The following PARVB variants were observed in gnomAD, a reference collection of about 807,000 sequenced individuals.
PARVB encodes parvin beta, also known as beta-parvin.
A neutral mutation model predicts 47.0 loss-of-function variants in PARVB; 46 were observed. That is an observed-to-expected ratio of 0.98 (90% CI 0.77 to 1.25). The LOEUF (loss-of-function observed/expected upper bound fraction) is 1.25, where lower values mean the gene tolerates loss of function less well. PARVB is among the 50% of genes most tolerant of loss of function. The probability of loss-of-function intolerance (pLI) is 0.00; values close to 1 mark genes in which losing one functional copy is unlikely to be tolerated. For synonymous variants in PARVB, 196 were observed against 196.3 expected (o/e 1.00, Z 0.01); for missense variants, 473 against 471.6 (o/e 1.00, Z -0.03).
At chr22:44,043,485 T>G (rs2051057432) in intron 1 of PARVB, among the ~76,000 whole-genome samples, 1 of 152,072 alleles carries the variant, frequency 6.6e-6, no homozygotes, top group Non-Finnish European at 1.5e-5. Flanking sequence ...ATCACGCCAT[T>G]CTCCTCCTTG....
chr22:44,101,074 A>C (rs2052432473), intron 3 of PARVB, among the ~76,000 whole-genome samples: 1 of 152,242 alleles, frequency 6.6e-6, no homozygotes, highest in Non-Finnish European at 1.5e-5. Context: ...ATGAGGGCTC[A>C]TTCAGAATAA....
intron 2 of PARVB, among the ~76,000 whole-genome samples, chr22:44,097,931 C>T (rs2052347737): frequency 6.6e-6 from 1 of 152,172 alleles, no homozygotes; most frequent in Non-Finnish European, 1.5e-5. Flanking sequence ...GGCAGGACCC[C>T]TCAAGAAGCA....
At chr22:44,133,598 G>A (rs546108261) in intron 6 of PARVB, among the ~76,000 whole-genome samples, 3 of 152,258 alleles carry the variant, frequency 2.0e-5, no homozygotes, top group Non-Finnish European at 4.4e-5. Context: ...GAGTACCATG[G>A]TGCAGTCATG....
At position 44,158,321 on chromosome 22, in the gene PARVB, A is replaced by T. The variant is rs369603729; in HGVS notation, c.945+238A>T. On this transcript the variant is annotated intron_variant, in intron 11 of 12. Coordinates refer to ENST00000338758, the MANE Select transcript of PARVB (RefSeq NM_013327.5). Reference sequence around the variant, plus strand: ...TTTTCTTTGCGGTCTTTTCCATGGGACCGTGTAGTTTTTAATAATTGTGAT... The same window carrying T: ...TTTTCTTTGCGGTCTTTTCCATGGGTCCGTGTAGTTTTTAATAATTGTGAT... Among the ~76,000 whole-genome samples the T allele has an allele frequency of 1.1e-4, 17 of 152,220 alleles. 1 individual carries two copies. The highest frequency in any genetic ancestry group is 7.2e-4 in the Admixed American group (11 of 15,292).
chr22:44,171,881 T>C lies in PARVB; in HGVS notation c.*3203T>C, dbSNP rs1288244301. On this transcript the variant is annotated 3_prime_UTR_variant, in exon 13 of 13. Coordinates refer to ENST00000338758, the MANE Select transcript of PARVB (RefSeq NM_013327.5). Reference sequence around the variant, plus strand: ...TGCCCAGGCTGGAGTGCAGTGGTCATTCACAGACACACACATAGCAGACTA... The same window carrying C: ...TGCCCAGGCTGGAGTGCAGTGGTCACTCACAGACACACACATAGCAGACTA... The C allele has an allele frequency of 6.7e-6, 1 of 149,924 alleles. No homozygotes were observed. The highest frequency in any genetic ancestry group is 2.5e-5 in the African/African-American group (1 of 40,224). The allele number at this position is 149,924 out of a possible 1,614,324, so 9.3% of individuals were successfully genotyped here.
intron 1 of PARVB, among the ~76,000 whole-genome samples, chr22:44,087,846 G>GTTTTTTTTTTTTTT (rs57893038): frequency 2.5e-4 from 30 of 121,282 alleles, no homozygotes; most frequent in African/African-American, 3.7e-4. Flanking sequence ...GAACGATGGT[G>GTTTTTTTTTTTTTT]TTTTTTTTTT....
intron 6 of PARVB, among the ~76,000 whole-genome samples, chr22:44,135,740 CTCATGTCTCCTCCTCTAGGG>C (rs1209606784): frequency 1.3e-5 from 2 of 152,190 alleles, no homozygotes; most frequent in African/African-American, 4.8e-5. Flanking sequence ...GATGTCCTCC[CTCATGTCTCCTCCTCTAGGG>C]GAGGGGTCTT....
At chr22:44,101,435 A>G (rs1161744662) in intron 3 of PARVB, among the ~76,000 whole-genome samples, 1 of 147,060 alleles carries the variant, frequency 6.8e-6, no homozygotes, top group Non-Finnish European at 1.5e-5. Flanking sequence ...AAAAAATAAA[A>G]TATAAAATAA....
chr22:44,151,790 C>G, intron 10 of PARVB: 1 of 475,732 alleles, frequency 2.1e-6, no homozygotes, highest in South Asian at 2.3e-5. Context: ...TTTGTGTCCT[C>G]GAAGTGCTGG....
chr22:44,040,875 C>T (rs1337272442), intron 1 of PARVB, among the ~76,000 whole-genome samples: 2 of 151,892 alleles, frequency 1.3e-5, no homozygotes, highest in Non-Finnish European at 2.9e-5. Context: ...TGGTGGCAGG[C>T]GCCTGTAGTC....
chr22:44,061,446 CAAAA>C, intron 1 of PARVB, among the ~76,000 whole-genome samples: 1 of 151,450 alleles, frequency 6.6e-6, no homozygotes, highest in African/African-American at 2.4e-5. Context: ...CAAAACAAAA[CAAAA>C]CAAAACAAAA....
At chr22:44,143,218 T>A (rs1182444824) in intron 8 of PARVB, 1 of 152,600 alleles carries the variant, frequency 6.6e-6, no homozygotes, top group East Asian at 1.9e-4. Context: ...TGTACTCATG[T>A]GACACACCAA....
intron 11 of PARVB, among the ~76,000 whole-genome samples, chr22:44,159,325 G>T (rs1176159609): frequency 1.3e-5 from 2 of 152,200 alleles, no homozygotes; most frequent in African/African-American, 4.8e-5. Flanking sequence ...CCTAGGGCTG[G>T]TTTCTTTCCA....
intron 11 of PARVB, among the ~76,000 whole-genome samples, chr22:44,161,598 C>G (rs1005465709): frequency 6.6e-6 from 1 of 152,234 alleles, no homozygotes; most frequent in Non-Finnish European, 1.5e-5. Flanking sequence ...AGGCGTGAGC[C>G]ACTACATCCA....
rs747291910 is a variant in PARVB at position 44,119,157 on chromosome 22, G to A, written c.376+17G>A. On this transcript the variant is annotated intron_variant, in intron 4 of 12. Coordinates refer to ENST00000338758, the MANE Select transcript of PARVB (RefSeq NM_013327.5). The stretch of plus-strand genomic sequence containing the variant: ...AGCTCTTGGGTGAGTTCACAGCAGG[G>A]ACAGCTCTGTCCCACCCCCATCTCC... 1.9e-5 allele frequency: 29 copies of A among 1,565,872 alleles called. No homozygotes were observed. Among genetic ancestry groups the A allele is most frequent in the Non-Finnish European group, 2.3e-5 (26 of 1,136,462 alleles).
At chr22:44,097,024 G>A (rs1489569347) in intron 2 of PARVB, among the ~76,000 whole-genome samples, 1 of 152,008 alleles carries the variant, frequency 6.6e-6, no homozygotes, top group Non-Finnish European at 1.5e-5. Context: ...GTGGTGTCCC[G>A]GGACTGTGGG....
chr22:44,059,200 C>A (rs1406626969), intron 1 of PARVB, among the ~76,000 whole-genome samples: 1 of 152,088 alleles, frequency 6.6e-6, no homozygotes, highest in East Asian at 1.9e-4. Context: ...CATCCGCCAC[C>A]ACACCCAGCT....
intron 8 of PARVB, chr22:44,142,311 G>C (rs1476550769): frequency 2.2e-5 from 3 of 139,306 alleles, no homozygotes; most frequent in African/African-American, 8.1e-5. Context: ...CCAGGAGGTG[G>C]AGGTTGCAGT....
rs2052511241 is a variant in PARVB, at chr22:44,103,962, A to C, written c.273+3839A>C. 1 of 152,282 alleles carries C rather than the reference A, an allele frequency of 6.6e-6. No homozygotes were observed. Among genetic ancestry groups the C allele is most frequent in the Admixed American group, 6.5e-5 (1 of 15,286 alleles). 9.4% of individuals were successfully genotyped at this position (152,282 alleles called of 1,614,324 possible). On this transcript the variant is annotated intron_variant, in intron 3 of 12. Transcript: ENST00000338758. The surrounding 1 kb of genome is among the most constrained non-coding windows in gnomAD (Gnocchi z 4.6). ...TTTGGACTTTGACCTCTAGGACTGC[A>C]AGAGAATCCACTGAGCCGTTGGAAG...
Sources: allele counts gnomAD v4.1 joint callset (sites outside exome capture counted in the v4.1 genomes callset), GRCh38; gene constraint gnomAD v4.1.1; non-coding constraint Gnocchi (gnomAD v3.1); transcripts MANE v1.5; gene names NCBI Gene and HGNC (gene_info 2026-07-23, HGNC 2026-07-21).